CAMTA1: variants seen among roughly 807,000 people sequenced by gnomAD.
The protein encoded by CAMTA1 is calmodulin-binding transcription activator 1.
Under a neutral mutation model 170.9 loss-of-function variants are expected in CAMTA1, and 27 were observed. The observed-to-expected ratio is 0.16, with a 90% CI of 0.12 to 0.22. The LOEUF (loss-of-function observed/expected upper bound fraction) is 0.22. Ranked by LOEUF, CAMTA1 falls within the 10% of genes least tolerant of loss-of-function variation. The pLI is 1.00. For synonymous variants in CAMTA1, 833 were observed against 891.5 expected, an observed-to-expected ratio of 0.93 and a Z score of 1.17; for missense variants, 1,619 against 2,217.2, an observed-to-expected ratio of 0.73 and a Z score of 5.42.
intron 6 of CAMTA1, among the ~76,000 whole-genome samples, chr1:7,480,650 C>T (rs1325844921): frequency 2.0e-5 from 3 of 152,076 alleles, no homozygotes; most frequent in Non-Finnish European, 4.4e-5. Context: ...TCCCTGCTGC[C>T]GAGACTTCCC....
At position 7,609,862 on chromosome 1, in the gene CAMTA1, T is replaced by C. The variant is rs2056675; in HGVS notation, c.511-30538T>C. Among the ~76,000 whole-genome samples the C allele has an allele frequency of 0.2, 29,793 of 152,152 alleles. 3,809 individuals are homozygous for C. The highest frequency in any genetic ancestry group is 0.36 in the African/African-American group (15,003 of 41,490). ...CTGGCATCCGGGTAGAGTCCAAACA[T>C]GGAAGCTCGGATTATTATGTACTGC... On this transcript the variant is annotated intron_variant, in intron 6 of 22. Transcript: ENST00000303635. The surrounding 1 kb of genome is among the most constrained non-coding windows in gnomAD (Gnocchi z 4.4).
chr1:6,928,466 T>C (rs537813029), intron 3 of CAMTA1, among the ~76,000 whole-genome samples: 1 of 152,152 alleles, frequency 6.6e-6, no homozygotes, highest in Non-Finnish European at 1.5e-5. Context: ...TGTCTTAGGA[T>C]AGGTGCTTCT....
chr1:7,146,115 G>A lies in CAMTA1; in HGVS notation c.302+54744G>A, dbSNP rs1425560116. Among the ~76,000 whole-genome samples the A allele has an allele frequency of 2.0e-5, 3 of 152,140 alleles. No individual in the cohort carries two copies. Among genetic ancestry groups the A allele is most frequent in the East Asian group, 1.9e-4 (1 of 5,190 alleles). On this transcript the variant is annotated intron_variant, in intron 4 of 22. Transcript: ENST00000303635. The surrounding 1 kb of genome is among the most constrained non-coding windows in gnomAD (Gnocchi z 4.3). ...TTTTTAAAATGGGATGATTGTAAAG[G>A]CCGGGCCGAGGATCTCCCCTGGGGA...
chr1:7,276,292 TA>T lies in CAMTA1; in HGVS notation c.438+26667del, dbSNP rs1464121680. Among the ~76,000 whole-genome samples, 275 of 47,608 alleles carry T rather than the reference TA, an allele frequency of 5.8e-3. 3 individuals carry two copies. Among genetic ancestry groups the T allele is most frequent in the African/African-American group, 7.4e-3 (52 of 6,984 alleles). 31.2% of individuals were successfully genotyped at this position (47,608 alleles called of 152,430 possible). A position where few individuals can be genotyped will look rare whatever the true frequency, so the allele number is the denominator to read the frequency against. ...CTACACCTGATCATATATATATATA[TA>T]TATATATATATTTTTTTTTTTTTTT... On this transcript the variant is annotated intron_variant, in intron 5 of 22. Transcript: ENST00000303635.
At chr1:7,006,310 T>A (rs947081657) in intron 3 of CAMTA1, among the ~76,000 whole-genome samples, 3 of 152,140 alleles carry the variant, frequency 2.0e-5, no homozygotes, top group Non-Finnish European at 4.4e-5. Context: ...AAAACTAATA[T>A]ATGCTTATTA....
At chr1:7,766,014 G>A (rs141585696) in intron 22 of CAMTA1, among the ~76,000 whole-genome samples, 2,751 of 129,668 alleles carry the variant, frequency 0.021, 43 homozygotes, top group Non-Finnish European at 0.03. Context: ...GTAACACAGC[G>A]AGATTCTGTC....
chr1:7,084,813 C>G (rs1640514527), intron 3 of CAMTA1, among the ~76,000 whole-genome samples: 2 of 152,098 alleles, frequency 1.3e-5, no homozygotes, highest in East Asian at 3.9e-4. Flanking sequence ...GGCTGGCTGT[C>G]CGTGGGAAAC....
At chr1:7,327,732 C>G (rs144389825) in intron 5 of CAMTA1, among the ~76,000 whole-genome samples, 230 of 152,260 alleles carry the variant, frequency 1.5e-3, no homozygotes, top group African/African-American at 5.4e-3. Context: ...TCCATTCCAC[C>G]ACTTTATTTC....
In CAMTA1 at chr1:7,766,518, T is replaced by C; in HGVS notation, c.*27T>C. The C allele has an allele frequency of 6.2e-7, 1 of 1,610,140 alleles. No homozygotes were observed. The highest frequency in any genetic ancestry group is 8.5e-7 in the Non-Finnish European group (1 of 1,176,390). ...GACATACAGCAGCATCCCTTAGCAATGTGACATTGCTTTTCAGACTGTTTT... is the reference window on the plus strand; with the variant it reads ...GACATACAGCAGCATCCCTTAGCAACGTGACATTGCTTTTCAGACTGTTTT... On this transcript the variant is annotated 3_prime_UTR_variant, in exon 23 of 23. Transcript: ENST00000303635.
chr1:7,370,914 CTT>C (rs61387662), intron 5 of CAMTA1, among the ~76,000 whole-genome samples: 8 of 110,004 alleles, frequency 7.3e-5, no homozygotes, highest in African/African-American at 2.1e-4. Context: ...TTCTTTCTTT[CTT>C]TTTTTTTTTT....
intron 6 of CAMTA1, among the ~76,000 whole-genome samples, chr1:7,597,917 G>A (rs1351601597): frequency 2.0e-5 from 3 of 151,270 alleles, no homozygotes; most frequent in African/African-American, 2.4e-5. Flanking sequence ...GGTTTGCTGC[G>A]ACTATCAACC....
chr1:7,277,421 C>T (rs1194225677), intron 5 of CAMTA1, among the ~76,000 whole-genome samples: 1 of 150,586 alleles, frequency 6.6e-6, no homozygotes, highest in Non-Finnish European at 1.5e-5. Flanking sequence ...TCTGAGGAGC[C>T]AAACTAGAGA....
Position 7,469,467 on chromosome 1 carries a change from A to G in CAMTA1, c.510+1566A>G, listed in dbSNP as rs148775058. Among the ~76,000 whole-genome samples, 630 of 152,304 alleles carry G rather than the reference A, an allele frequency of 4.1e-3. 5 individuals carry two copies. The highest frequency in any genetic ancestry group is 0.014 in the African/African-American group (601 of 41,564). On this transcript the variant is annotated intron_variant, in intron 6 of 22. Transcript: ENST00000303635. The stretch of plus-strand genomic sequence containing the variant: ...AGGGACAAACTCTGGCTTCCCAAGA[A>G]ACACCATTTATCCAAAGCAGCCTGC...
intron 3 of CAMTA1, among the ~76,000 whole-genome samples, chr1:6,995,997 AGGCGGGTGT>A (rs1267812853): frequency 6.6e-6 from 1 of 152,190 alleles, no homozygotes; most frequent in Non-Finnish European, 1.5e-5. Context: ...TCACCAAGGG[AGGCGGGTGT>A]GGCGTGGGCT....
In CAMTA1 at chr1:7,485,707, C is replaced by T. The variant is rs998958502; in HGVS notation, c.510+17806C>T. Among the ~76,000 whole-genome samples, 6 of 152,326 alleles carry T rather than the reference C, an allele frequency of 3.9e-5. No homozygotes were observed. In the East Asian group the frequency reaches 7.7e-4, roughly 20 times the overall value. On this transcript the variant is annotated intron_variant, in intron 6 of 22. Coordinates refer to ENST00000303635, the MANE Select transcript of CAMTA1 (RefSeq NM_015215.4). ...GCGAGGCAGGACTTCAGAAACCATCCGGCCCAGTGCCTTGCTTTGCATGGG... is the reference window on the plus strand; with the variant it reads ...GCGAGGCAGGACTTCAGAAACCATCTGGCCCAGTGCCTTGCTTTGCATGGG...
chr1:7,434,806 C>G (rs944634152), intron 5 of CAMTA1, among the ~76,000 whole-genome samples: 2 of 149,946 alleles, frequency 1.3e-5, no homozygotes, highest in Admixed American at 1.3e-4. Context: ...TCTGGGAGAC[C>G]GAGGCAGGCT....
intron 7 of CAMTA1, among the ~76,000 whole-genome samples, chr1:7,644,192 C>T (rs532550938): frequency 6.6e-6 from 1 of 152,274 alleles, no homozygotes; most frequent in South Asian, 2.1e-4. Flanking sequence ...ACCTTATGCC[C>T]TGGGAATCTC....
chr1:7,274,042 G>A lies in CAMTA1; in HGVS notation c.438+24416G>A, dbSNP rs1670228602. Among the ~76,000 whole-genome samples the A allele has an allele frequency of 2.0e-5, 3 of 152,090 alleles. No individual in the cohort carries two copies. The South Asian group carries it at 6.2e-4, about 32-fold the overall frequency. On this transcript the variant is annotated intron_variant, in intron 5 of 22. Coordinates refer to ENST00000303635, the MANE Select transcript of CAMTA1 (RefSeq NM_015215.4). ...AAAAATATTCAAATTAATGAAGTCA[G>A]GAAAGAGGAATATGAAACAGGACAA...
At chr1:6,897,623 G>T (rs1479908510) in intron 3 of CAMTA1, among the ~76,000 whole-genome samples, 3 of 152,186 alleles carry the variant, frequency 2.0e-5, no homozygotes, top group Non-Finnish European at 4.4e-5. Context: ...GAAAGGCAGT[G>T]TCTTTCCCAC....
Sources: gnomAD v4.1 joint callset for allele counts (sites outside exome capture counted in the v4.1 genomes callset) on GRCh38, gnomAD v4.1.1 for gene constraint, Gnocchi (gnomAD v3.1) non-coding constraint, MANE v1.5 for transcripts, NCBI Gene and HGNC (gene_info 2026-07-23, HGNC 2026-07-21) for gene names.